The following SOS2 variants were observed in gnomAD, a reference collection of about 807,000 sequenced individuals.
SOS2 encodes SOS Ras/Rho guanine nucleotide exchange factor 2.
SOS2 carries 65 observed loss-of-function variants against 148.2 expected under a neutral mutation model. The ratio of observed to expected loss-of-function variants is 0.44; its 90% CI spans 0.36 to 0.54. The LOEUF (loss-of-function observed/expected upper bound fraction) is 0.54. SOS2 is among the 20% of genes least tolerant of loss of function. The pLI, the probability that SOS2 is intolerant of heterozygous loss-of-function variation, is 0.00. For synonymous variants in SOS2, 539 were observed against 537.1 expected (o/e 1.00, Z -0.05); for missense variants, 1,341 against 1,590.2 (o/e 0.84, Z 2.67).
intron 1 of SOS2, among the ~76,000 whole-genome samples, chr14:50,213,319 T>C (rs144253680): frequency 0.022 from 3,318 of 152,242 alleles, 56 homozygotes; most frequent in South Asian, 0.043. Flanking sequence ...ATAAGTGTAC[T>C]ACATAGAAAA....
intron 4 of SOS2, among the ~76,000 whole-genome samples, chr14:50,190,486 A>T (rs1166135780): frequency 6.6e-6 from 1 of 152,190 alleles, no homozygotes; most frequent in African/African-American, 2.4e-5. Flanking sequence ...GCATCTTTTA[A>T]ATCTGGTCAG....
At position 50,125,562 on chromosome 14, in the gene SOS2, A is replaced by G. The variant is rs374575849; in HGVS notation, c.3379+4399T>C. On this transcript the variant is annotated intron_variant, in intron 21 of 22. Coordinates refer to ENST00000216373, the MANE Select transcript of SOS2 (RefSeq NM_006939.4). ...TATGAAGCTGAAGCTTTAATTCATG[A>G]AGGTAGATTATAATGTATATGGAGA... Among the ~76,000 whole-genome samples the G allele has an allele frequency of 5.9e-4, 89 of 150,766 alleles. 1 individual carries two copies. The highest frequency in any genetic ancestry group is 2.0e-3 in the African/African-American group (82 of 40,986).
intron 8 of SOS2, among the ~76,000 whole-genome samples, chr14:50,164,077 ACAT>A (rs1885094729): frequency 6.6e-6 from 1 of 152,220 alleles, no homozygotes; most frequent in South Asian, 2.1e-4. Flanking sequence ...GATTTGATAA[ACAT>A]CATATTAATG....
chr14:50,130,068 TC>T, intron 20 of SOS2, 66 bp from the exon 21 acceptor site: 1 of 1,012,634 alleles, frequency 9.9e-7, no homozygotes, highest in Non-Finnish European at 1.5e-6. Context: ...TTTAAATGTT[TC>T]CATAAATAAT....
Position 50,231,245 on chromosome 14 carries a change from CT to C in SOS2, c.38del (p.Glu13GlyfsTer39). 6.6e-7 allele frequency: 1 copy of C among 1,509,820 alleles called. No individual in the cohort carries two copies. Among genetic ancestry groups the C allele is most frequent in the Non-Finnish European group, 8.9e-7 (1 of 1,117,908 alleles). The allele number at this position is 1,509,820 out of a possible 1,614,324, so 93.5% of individuals were successfully genotyped here. A position where few individuals can be genotyped will look rare whatever the true frequency, so the allele number is the denominator to read the frequency against. On this transcript the variant is annotated frameshift_variant, in exon 1 of 23. Transcript: ENST00000216373. LOFTEE classifies it high-confidence loss of function. ...QAPQPYEFFSEENSPKWRGLL... is the reference protein window; with the variant it reads ...QAPQPYEFFSXENSPKWRGLL... ...GTCCCCGCCATTTCGGACTGTTCTC[CT>C]CGCTGAAGAACTCGTAAGGCTGCGG...
chr14:50,171,527 T>C (rs1187168185), intron 8 of SOS2, among the ~76,000 whole-genome samples: 1 of 151,426 alleles, frequency 6.6e-6, no homozygotes, highest in Non-Finnish European at 1.5e-5. Flanking sequence ...ATACTAAAAA[T>C]ACAAAAATTA....
chr14:50,229,263 T>C (rs920685949), intron 1 of SOS2, among the ~76,000 whole-genome samples: 1 of 152,154 alleles, frequency 6.6e-6, no homozygotes, highest in South Asian at 2.1e-4. Flanking sequence ...TCCATACGTA[T>C]GTATTTCAAT....
chr14:50,219,093 C>A (rs1255325598), intron 1 of SOS2, among the ~76,000 whole-genome samples: 3 of 149,254 alleles, frequency 2.0e-5, no homozygotes, highest in Admixed American at 6.7e-5. Flanking sequence ...AGCCTGGCAA[C>A]AGAGCAAGAT....
intron 1 of SOS2, among the ~76,000 whole-genome samples, chr14:50,204,941 A>G (rs1886614274): frequency 6.8e-6 from 1 of 146,002 alleles, no homozygotes; most frequent in Non-Finnish European, 1.5e-5. Flanking sequence ...TCTAGGGATG[A>G]GCCGTTTTTG....
At chr14:50,126,595 G>C (rs1398013884) in intron 21 of SOS2, among the ~76,000 whole-genome samples, 2 of 152,072 alleles carry the variant, frequency 1.3e-5, no homozygotes, top group Admixed American at 1.3e-4. Flanking sequence ...GGCACAATCA[G>C]AGGTAACTGA....
At chr14:50,156,429 A>G (rs186914651) in intron 12 of SOS2, 1 of 152,188 alleles carries the variant, frequency 6.6e-6, no homozygotes. Context: ...TAAAAAAGAT[A>G]AAGCATTTAG....
In SOS2 at chr14:50,145,488, G is replaced by C; in HGVS notation, c.2493C>G (p.Leu831=). 6.2e-7 allele frequency: 1 copy of C among 1,602,554 alleles called. No individual in the cohort carries two copies. Among genetic ancestry groups the C allele is most frequent in the Middle Eastern group, 1.7e-4 (1 of 6,008 alleles). The change falls in exon 15 of 23, where the codon CTC becomes CTG. Residue 831 remains leucine, a synonymous_variant. Coordinates refer to ENST00000216373, the MANE Select transcript of SOS2 (RefSeq NM_006939.4). ...AAATTAAAACTTACTTTTCAAACCAGAGGGTGAGATTTGTGGTATGGCGAA... is the reference window on the plus strand; with the variant it reads ...AAATTAAAACTTACTTTTCAAACCACAGGGTGAGATTTGTGGTATGGCGAA... ...KMIRHTTNLT[L]WFEKCIVEAE...
At position 50,159,534 on chromosome 14, in the gene SOS2, G is replaced by T; in HGVS notation, c.1749C>A (p.Asn583Lys). The change falls in exon 10 of 23, where the codon AAC (asparagine) becomes AAA (lysine). Residue 583 changes from asparagine (N) to lysine (K), a missense_variant. Coordinates refer to ENST00000216373, the MANE Select transcript of SOS2 (RefSeq NM_006939.4). ...TTTGCAAGTTGTCTTCAAAAACAAT[G>T]TTTTCCTCAGAGTCTTTTACTACAA... ...YRFVVKDSEE[N>K]IVFEDNLQSR... 6.2e-7 allele frequency: 1 copy of T among 1,613,366 alleles called. No homozygotes were observed. Among genetic ancestry groups the T allele is most frequent in the Non-Finnish European group, 8.5e-7 (1 of 1,179,502 alleles).
Position 50,138,853 on chromosome 14 carries a change from G to A in SOS2, c.2786-69C>T, listed in dbSNP as rs17122173. ...TTTTGTTATTTAATCAATTATTTGG[G>A]AAAACAACTGATCTAGTAAAGTTGA... is the stretch of plus-strand genomic sequence containing the variant. On this transcript the variant is annotated intron_variant, in intron 17 of 22. Coordinates refer to ENST00000216373, the MANE Select transcript of SOS2 (RefSeq NM_006939.4). The A allele has an allele frequency of 8.8e-3, 5,219 of 595,818 alleles. 200 individuals are homozygous for A. The highest frequency in any genetic ancestry group is 0.083 in the African/African-American group (4,362 of 52,310). 36.9% of individuals were successfully genotyped at this position (595,818 alleles called of 1,614,324 possible).
chr14:50,192,324 GTGGA>G (rs1886167952), intron 4 of SOS2, among the ~76,000 whole-genome samples: 1 of 151,984 alleles, frequency 6.6e-6, no homozygotes, highest in Admixed American at 6.6e-5. Context: ...AGAGGCCAAG[GTGGA>G]TGGATCACCT....
intron 14 of SOS2, among the ~76,000 whole-genome samples, chr14:50,146,516 C>T (rs1246046670): frequency 1.3e-5 from 2 of 152,008 alleles, no homozygotes; most frequent in Admixed American, 6.6e-5. Context: ...CGTAGTAGTG[C>T]GTGCCTGTAG....
rs767673194 is a variant in SOS2 at position 50,188,729 on chromosome 14, A to G, written c.511-29T>C. The G allele has an allele frequency of 4.1e-6, 6 of 1,446,770 alleles. No homozygotes were observed. The Admixed American group carries it at 1.2e-4, about 29-fold the overall frequency. 89.6% of individuals were successfully genotyped at this position (1,446,770 alleles called of 1,614,324 possible). A position where few individuals can be genotyped will look rare whatever the true frequency, so the allele number is the denominator to read the frequency against. On this transcript the variant is annotated intron_variant, in intron 4 of 22. Coordinates refer to ENST00000216373, the MANE Select transcript of SOS2 (RefSeq NM_006939.4). ...AGAAACAGAAATCAATAATGTATAAATTTATTTTCTTTACTTTTATAAAAA... is the reference window on the plus strand; with the variant it reads ...AGAAACAGAAATCAATAATGTATAAGTTTATTTTCTTTACTTTTATAAAAA...
chr14:50,225,352 T>C (rs1330564902), intron 1 of SOS2, among the ~76,000 whole-genome samples: 1 of 152,236 alleles, frequency 6.6e-6, no homozygotes, highest in African/African-American at 2.4e-5. Context: ...ATATGCAGGA[T>C]ATAATCAAAT....
chr14:50,158,764 T>TTAGGAAAAGCCACAATCTGA, intron 10 of SOS2, 118 bp from the exon 11 acceptor site: 1 of 650,190 alleles, frequency 1.5e-6, no homozygotes, highest in Non-Finnish European at 2.7e-6. Flanking sequence ...CCTCAGATTG[T>TTAGGAAAAGCCACAATCTGA]GGCTTTTCCT....
Sources: gnomAD v4.1 joint callset for allele counts (sites outside exome capture counted in the v4.1 genomes callset) on GRCh38, gnomAD v4.1.1 for gene constraint, MANE v1.5 for transcripts, NCBI Gene and HGNC (gene_info 2026-07-23, HGNC 2026-07-21) for gene names.